Variants in RHOT1 observed in about 807,000 individuals in gnomAD.
RHOT1 encodes mitochondrial Rho GTPase 1.
Under a neutral mutation model 95.3 loss-of-function variants are expected in RHOT1, and 27 were observed. That is an observed-to-expected ratio of 0.28 (90% confidence interval 0.21 to 0.39). RHOT1 has a LOEUF of 0.39. Among genes scored for constraint, RHOT1 ranks in the 10% least tolerant of loss-of-function variants. The probability of loss-of-function intolerance (pLI) is 1.00; values close to 1 mark genes in which losing one functional copy is unlikely to be tolerated. For synonymous variants in RHOT1, 227 were observed against 263.5 expected (o/e 0.86, Z 1.34); for missense variants, 578 against 786.7 (o/e 0.73, Z 3.17).
At chr17:32,160,758 T>C (rs1008714654) in intron 1 of RHOT1, among the ~76,000 whole-genome samples, 3 of 152,218 alleles carry the variant, frequency 2.0e-5, no homozygotes, top group African/African-American at 7.2e-5. Flanking sequence ...CGTGCCTGGC[T>C]GTGCACAGAG....
intron 2 of RHOT1, among the ~76,000 whole-genome samples, chr17:32,172,535 A>G (rs1182271357): frequency 1.3e-5 from 2 of 152,244 alleles, no homozygotes; most frequent in Admixed American, 1.3e-4. Context: ...AAATGGAATC[A>G]TTAAACATAA....
intron 1 of RHOT1, among the ~76,000 whole-genome samples, chr17:32,149,635 A>ATATATATATGTGTGTG (rs1445281403): frequency 6.8e-5 from 4 of 59,096 alleles, no homozygotes; most frequent in Admixed American, 2.2e-4. Flanking sequence ...ATATATATAT[A>ATATATATATGTGTGTG]TGTGTGTGTG....
chr17:32,153,910 T>C (rs2032621909), intron 1 of RHOT1, among the ~76,000 whole-genome samples: 1 of 152,140 alleles, frequency 6.6e-6, no homozygotes, highest in African/African-American at 2.4e-5. Flanking sequence ...AGTACAGGGC[T>C]TGGTGGACTT....
chr17:32,173,459 G>A (rs943635339), intron 2 of RHOT1, among the ~76,000 whole-genome samples: 2 of 152,060 alleles, frequency 1.3e-5, no homozygotes, highest in African/African-American at 4.8e-5. Context: ...CTCAGCCTGT[G>A]ATCCCAGCAC....
intron 11 of RHOT1, among the ~76,000 whole-genome samples, chr17:32,196,012 G>C (rs963614256): frequency 3.8e-4 from 57 of 151,876 alleles, no homozygotes; most frequent in African/African-American, 1.4e-3. Context: ...AATCCTCTTT[G>C]CCTTTAATTT....
intron 1 of RHOT1, among the ~76,000 whole-genome samples, chr17:32,166,445 A>G (rs189417856): frequency 2.6e-5 from 4 of 152,246 alleles, no homozygotes; most frequent in East Asian, 1.9e-4. Context: ...TAAGACAACT[A>G]TGACATTTGC....
At chr17:32,148,392 A>G (rs140034371) in intron 1 of RHOT1, among the ~76,000 whole-genome samples, 165 of 152,396 alleles carry the variant, frequency 1.1e-3, no homozygotes, top group African/African-American at 3.3e-3. Context: ...TCCATTCTGC[A>G]TAAAGAGTCT....
intron 19 of RHOT1, among the ~76,000 whole-genome samples, chr17:32,213,199 G>A (rs1480038323): frequency 6.6e-6 from 1 of 152,156 alleles, no homozygotes. Flanking sequence ...TCTAAATGCA[G>A]ATACATATAT....
At chr17:32,217,945 C>A (rs778215747) in intron 19 of RHOT1, among the ~76,000 whole-genome samples, 1 of 151,572 alleles carries the variant, frequency 6.6e-6, no homozygotes, top group Non-Finnish European at 1.5e-5. Flanking sequence ...TCATCGCAAC[C>A]CCCACCTCCC....
At chr17:32,218,384 G>A (rs1480435211) in intron 19 of RHOT1, among the ~76,000 whole-genome samples, 2 of 151,902 alleles carry the variant, frequency 1.3e-5, no homozygotes, top group Non-Finnish European at 2.9e-5. Context: ...GCTCACACCT[G>A]TGGTCCCAGC....
intron 8 of RHOT1, among the ~76,000 whole-genome samples, chr17:32,191,180 T>G (rs1166777476): frequency 6.6e-6 from 1 of 152,146 alleles, no homozygotes; most frequent in Non-Finnish European, 1.5e-5. Context: ...CTATATCAAA[T>G]TACTCTCCCA....
At chr17:32,176,296 C>T in intron 6 of RHOT1, 83 bp downstream of exon 6, 3 of 1,041,678 alleles carry the variant, frequency 2.9e-6, no homozygotes. Flanking sequence ...CATTGAACTT[C>T]CCTAAATCCT....
At chr17:32,158,890 G>A (rs1387891955) in intron 1 of RHOT1, among the ~76,000 whole-genome samples, 2 of 152,222 alleles carry the variant, frequency 1.3e-5, no homozygotes, top group African/African-American at 4.8e-5. Context: ...GGCAGTGGCG[G>A]CCATCTGGAG....
intron 6 of RHOT1, 85 bp from the exon 7 acceptor site, chr17:32,182,672 T>A (rs999791392): frequency 2.6e-5 from 21 of 816,530 alleles, no homozygotes; most frequent in Non-Finnish European, 4.1e-5. Flanking sequence ...AAAAGCTTTT[T>A]AGTTAGAATG....
intron 9 of RHOT1, 40 bp from the exon 10 acceptor site, chr17:32,193,096 G>A (rs767740260): frequency 9.7e-6 from 12 of 1,243,462 alleles, no homozygotes; most frequent in Admixed American, 1.9e-5. Context: ...TGGTTTTAAC[G>A]CTGGTTTGTT....
intron 1 of RHOT1, among the ~76,000 whole-genome samples, chr17:32,168,582 T>TAC (rs1424411451): frequency 1.3e-5 from 2 of 150,244 alleles, no homozygotes; most frequent in East Asian, 1.9e-4. Flanking sequence ...CATATATATA[T>TAC]ACACACACAC....
intron 1 of RHOT1, among the ~76,000 whole-genome samples, chr17:32,143,847 G>A (rs1489202410): frequency 6.6e-6 from 1 of 152,138 alleles, no homozygotes; most frequent in Non-Finnish European, 1.5e-5. Flanking sequence ...AACCCCTCAG[G>A]GTCACCGTGA....
At chr17:32,223,661 C>G (rs7222096) in intron 19 of RHOT1, among the ~76,000 whole-genome samples, 5,779 of 150,790 alleles carry the variant, frequency 0.038, 367 homozygotes, top group African/African-American at 0.14. Context: ...GTGATCCACC[C>G]GCCTCAGCCT....
rs1402042853 is a variant in RHOT1 at position 32,211,120 on chromosome 17, G to T, written c.1744G>T (p.Ala582Ser). ...TCCTTCTGTGTGTTTTCGCAGCCAT[G>T]CCCGGTTACGCTGTATGTGCACCTG... ...KLTTMAMYPH[A>S]RLRCMCTCNR... The change falls in exon 19 of 20, where the codon GCC becomes TCC. Residue 582 changes from alanine to serine, a missense_variant. Around this residue, in one of 4 missense-constraint regions of RHOT1, gnomAD observed 296 missense variants for 338.5 expected, o/e 0.87. Transcript: ENST00000545287. The T allele has an allele frequency of 6.2e-7, 1 of 1,602,778 alleles. No individual in the cohort carries two copies. The highest frequency in any genetic ancestry group is 1.1e-5 in the South Asian group (1 of 90,012).
Sources: allele counts gnomAD v4.1 joint callset (sites outside exome capture counted in the v4.1 genomes callset), GRCh38; gene constraint gnomAD v4.1.1; regional missense constraint gnomAD v4.1.1; transcripts MANE v1.5; gene names NCBI Gene and HGNC (gene_info 2026-07-23, HGNC 2026-07-21).